The following BIRC5 variants were observed in gnomAD, a reference collection of about 807,000 sequenced individuals.
The protein encoded by BIRC5 is baculoviral IAP repeat containing 5.
In BIRC5, 8 loss-of-function variants were observed where a neutral mutation model predicts 15.8. The observed-to-expected ratio is 0.51, with a 90% CI of 0.30 to 0.91. BIRC5 has a LOEUF of 0.91. Among genes scored for constraint, BIRC5 ranks in the 40% least tolerant of loss-of-function variants. BIRC5 has a pLI of 0.07. For missense variants in BIRC5, 163 were observed against 178.6 expected (o/e 0.91, Z 0.50); for synonymous variants, 56 against 64.5 (o/e 0.87, Z 0.63).
intron 3 of BIRC5, among the ~76,000 whole-genome samples, chr17:78,218,128 C>G (rs17879748): frequency 1.3e-5 from 2 of 150,786 alleles, no homozygotes; most frequent in East Asian, 2.0e-4. Flanking sequence ...ATTTTTAAAG[C>G]CCCTAGGATG....
intron 3 of BIRC5, among the ~76,000 whole-genome samples, chr17:78,217,607 CT>C (rs1360996695): frequency 3.3e-5 from 5 of 152,162 alleles, no homozygotes; most frequent in African/African-American, 4.8e-5. Flanking sequence ...AGCCATTCTC[CT>C]GCCTCAGCCT....
At chr17:78,222,981 T>TTCC in intron 3 of BIRC5, 1 of 1,493,460 alleles carries the variant, frequency 6.7e-7, no homozygotes, top group South Asian at 1.3e-5. Flanking sequence ...CTCCAGGAGT[T>TTCC]TCAGGAGAAA....
intron 3 of BIRC5, among the ~76,000 whole-genome samples, chr17:78,218,094 A>G (rs976207626): frequency 6.6e-5 from 10 of 151,902 alleles, no homozygotes; most frequent in African/African-American, 1.9e-4. Flanking sequence ...TACAGGCATG[A>G]GCCACCGTGC....
intron 3 of BIRC5, 39 bp from the exon 4 acceptor site, chr17:78,223,426 C>T (rs1436745629): frequency 2.0e-6 from 3 of 1,521,658 alleles, no homozygotes; most frequent in Non-Finnish European, 1.8e-6. Context: ...GACTGGGAAG[C>T]TCTGGTTTCA....
At chr17:78,222,051 AT>A (rs1160738586) in intron 3 of BIRC5, among the ~76,000 whole-genome samples, 1 of 151,992 alleles carries the variant, frequency 6.6e-6, no homozygotes, top group Non-Finnish European at 1.5e-5. Context: ...TACACAAAAA[AT>A]TAGCCAGGCA....
At position 78,224,928 on chromosome 17, in the gene BIRC5, T is replaced by A. The variant is rs900480183; in HGVS notation, c.*1374T>A. On this transcript the variant is annotated 3_prime_UTR_variant, in exon 4 of 4. Coordinates refer to ENST00000350051, the MANE Select transcript of BIRC5 (RefSeq NM_001168.3). ...AATGCACTTCAGACCCACTTATTTC[T>A]GCCACATCTGAGTCGGCCTGAGATA... is the stretch of plus-strand genomic sequence containing the variant. The A allele has an allele frequency of 1.3e-5, 2 of 152,222 alleles. No homozygotes were observed. The highest frequency in any genetic ancestry group is 4.8e-5 in the African/African-American group (2 of 41,450). 9.4% of individuals were successfully genotyped at this position (152,222 alleles called of 1,614,324 possible).
At chr17:78,216,815 G>T (rs1222349344) in intron 3 of BIRC5, 34 bp downstream of exon 3, 30 of 1,526,038 alleles carry the variant, frequency 2.0e-5, no homozygotes, top group African/African-American at 2.7e-5. Context: ...CTCAAACCCT[G>T]TTCAATGTCT....
At position 78,218,495 on chromosome 17, in the gene BIRC5, C is replaced by T. The variant is rs370333126; in HGVS notation, c.339+1714C>T. On this transcript the variant is annotated intron_variant, in intron 3 of 3. Transcript: ENST00000350051. ...TTTTAGTAGACGGGGTTTCACCATG[C>T]TGGCCAAGCTGGTCTCAAACTCCTG... is the stretch of plus-strand genomic sequence containing the variant. Among the ~76,000 whole-genome samples the T allele has an allele frequency of 2.0e-5, 3 of 150,134 alleles. No individual in the cohort carries two copies. The South Asian group carries it at 6.3e-4, about 32-fold the overall frequency.
chr17:78,216,924 G>T, intron 3 of BIRC5, 143 bp downstream of exon 3: 1 of 568,080 alleles, frequency 1.8e-6, no homozygotes, highest in South Asian at 2.0e-5. Context: ...TTGTTGCCCA[G>T]GCTGGAGTGC....
intron 1 of BIRC5, 79 bp downstream of exon 1, chr17:78,214,506 G>C: frequency 1.5e-6 from 2 of 1,375,194 alleles, no homozygotes; most frequent in Non-Finnish European, 1.9e-6. Flanking sequence ...CTGGGCCTCG[G>C]GGGTACAAGC....
rs1258524281 is a variant in BIRC5, at chr17:78,214,323, G to C, written c.7G>C (p.Ala3Pro). Residue 3 changes from alanine to proline, a missense_variant, in exon 1 of 4, where the codon GCC (alanine) becomes CCC (proline). Transcript: ENST00000350051. ...CAGAGGTGGCGGCGGCGGCATGGGT[G>C]CCCCGACGTTGCCCCCTGCCTGGCA... MG[A>P]PTLPPAWQPF... The C allele has an allele frequency of 6.2e-7, 1 of 1,605,414 alleles. No homozygotes were observed. Among genetic ancestry groups the C allele is most frequent in the Admixed American group, 1.7e-5 (1 of 58,956 alleles).
chr17:78,221,054 C>A (rs1321675650), intron 3 of BIRC5, among the ~76,000 whole-genome samples: 1 of 152,248 alleles, frequency 6.6e-6, no homozygotes, highest in East Asian at 1.9e-4. Flanking sequence ...ATTCTTGTTC[C>A]TGCTGCTGCC....
chr17:78,223,443 T>C (rs1356466268), intron 3 of BIRC5, 22 bp from the exon 4 acceptor site: 1 of 1,564,050 alleles, frequency 6.4e-7, no homozygotes, highest in African/African-American at 1.4e-5. Context: ...TTCAGTGTCA[T>C]GTGTCTATTC....
intron 2 of BIRC5, chr17:78,215,839 C>A: frequency 9.9e-7 from 1 of 1,012,314 alleles, no homozygotes; most frequent in Non-Finnish European, 1.2e-6. Flanking sequence ...CATTGTAATG[C>A]AGTTCTGGTA....
chr17:78,223,788 C>T lies in BIRC5; in HGVS notation c.*234C>T. ...ACAGTGGCTGCTTCTCTCTCTCTCT[C>T]TCTTTTTTGGGGGCTCATTTTTGCT... On this transcript the variant is annotated 3_prime_UTR_variant, in exon 4 of 4. Coordinates refer to ENST00000350051, the MANE Select transcript of BIRC5 (RefSeq NM_001168.3). The T allele has an allele frequency of 2.2e-6, 2 of 927,226 alleles. No individual in the cohort carries two copies. Among genetic ancestry groups the T allele is most frequent in the Non-Finnish European group, 3.0e-6 (2 of 663,790 alleles). The allele number at this position is 927,226 out of a possible 1,614,324, so 57.4% of individuals were successfully genotyped here.
intron 3 of BIRC5, chr17:78,222,802 T>A (rs1304924757): frequency 6.5e-7 from 1 of 1,535,550 alleles, no homozygotes; most frequent in Non-Finnish European, 8.7e-7. Context: ...CTGGATTTGC[T>A]AATGTGATTG....
intron 2 of BIRC5, chr17:78,216,002 C>G: frequency 9.5e-7 from 1 of 1,057,664 alleles, no homozygotes; most frequent in Non-Finnish European, 1.2e-6. Flanking sequence ...GTAATACCAG[C>G]ACTTTGGGAG....
chr17:78,217,113 C>T (rs1003273888), intron 3 of BIRC5, among the ~76,000 whole-genome samples: 2 of 151,222 alleles, frequency 1.3e-5, no homozygotes, highest in African/African-American at 2.4e-5. Flanking sequence ...CTCCTGACCT[C>T]GTGATTCGCC....
intron 3 of BIRC5, chr17:78,222,758 G>A (rs2076523615): frequency 6.6e-7 from 1 of 1,521,144 alleles, no homozygotes; most frequent in South Asian, 1.2e-5. Flanking sequence ...AGAGGAGTTA[G>A]GGTTTATAAA....
Sources: gnomAD v4.1 joint callset for allele counts (sites outside exome capture counted in the v4.1 genomes callset) on GRCh38, gnomAD v4.1.1 for gene constraint, MANE v1.5 for transcripts, NCBI Gene and HGNC (gene_info 2026-07-23, HGNC 2026-07-21) for gene names.